Variants in INPP5A observed in about 807,000 individuals in gnomAD.
The protein encoded by INPP5A is inositol polyphosphate-5-phosphatase A, also known as 43 kDa inositol polyphosphate 5-phophatase.
A neutral mutation model predicts 65.2 loss-of-function variants in INPP5A; 14 were observed. That is an observed-to-expected ratio of 0.21 (90% CI 0.14 to 0.34). The LOEUF (loss-of-function observed/expected upper bound fraction) is 0.34, where lower values mean the gene tolerates loss of function less well. Ranked by LOEUF, INPP5A falls within the 10% of genes least tolerant of loss-of-function variation. The pLI is 1.00. For synonymous variants in INPP5A, 207 were observed against 208.3 expected, an observed-to-expected ratio of 0.99 and a Z score of 0.05; for missense variants, 431 against 545.6, an observed-to-expected ratio of 0.79 and a Z score of 2.09.
At chr10:132,622,195 GAA>G (rs202013537) in intron 2 of INPP5A, among the ~76,000 whole-genome samples, 2,304 of 152,324 alleles carry the variant, frequency 0.015, 33 homozygotes, top group South Asian at 0.039. Context: ...TCTCTGTACT[GAA>G]AAGTTTGAAA....
intron 2 of INPP5A, among the ~76,000 whole-genome samples, chr10:132,614,585 C>T (rs1029326711): frequency 2.0e-5 from 3 of 152,242 alleles, no homozygotes; most frequent in Admixed American, 6.5e-5. Context: ...GACTCACAGA[C>T]TCATCACCAG....
Position 132,706,727 on chromosome 10 carries a change from A to G in INPP5A, c.475-1586A>G, listed in dbSNP as rs1845542704. 6.6e-6 allele frequency among the ~76,000 whole-genome samples: 1 copy of G among 152,224 alleles called. No homozygotes were observed. The highest frequency in any genetic ancestry group is 6.5e-5 in the Admixed American group (1 of 15,288). On this transcript the variant is annotated intron_variant, in intron 6 of 15. Transcript: ENST00000368594. This position sits in a 1 kb window ranked among gnomAD's most constrained non-coding sequence, Gnocchi z 4.7. ...AAGGGCCTCATGCCTGGGAATCCAC[A>G]GCCCTAGAGCCTTGCCCAGGAGGGA...
At chr10:132,595,428 C>G (rs777245609) in intron 1 of INPP5A, among the ~76,000 whole-genome samples, 1 of 152,210 alleles carries the variant, frequency 6.6e-6, no homozygotes, top group Non-Finnish European at 1.5e-5. Context: ...GTTATTTTAA[C>G]CACTGGTAAC....
intron 2 of INPP5A, among the ~76,000 whole-genome samples, chr10:132,633,887 C>T (rs1248633800): frequency 2.0e-5 from 3 of 152,230 alleles, no homozygotes; most frequent in South Asian, 2.1e-4. Flanking sequence ...GAATCCTTTC[C>T]GTGCCCAGCA....
At chr10:132,623,399 T>G (rs554715186) in intron 2 of INPP5A, among the ~76,000 whole-genome samples, 28 of 149,496 alleles carry the variant, frequency 1.9e-4, no homozygotes, top group Admixed American at 4.6e-4. Context: ...AGGAACAGTT[T>G]TTTTTTTTTT....
At chr10:132,624,136 CT>C (rs1318188957) in intron 2 of INPP5A, among the ~76,000 whole-genome samples, 2 of 152,218 alleles carry the variant, frequency 1.3e-5, no homozygotes, top group African/African-American at 2.4e-5. Context: ...TGGCCACCCC[CT>C]GACCCACGCA....
At position 132,537,961 on chromosome 10, in the gene INPP5A, G is replaced by A. The variant is rs2070860068; in HGVS notation, c.-136G>A. The A allele has an allele frequency of 5.3e-6, 1 of 187,222 alleles. No individual in the cohort carries two copies. Among genetic ancestry groups the A allele is most frequent in the Non-Finnish European group, 9.7e-6 (1 of 102,892 alleles). The allele number at this position is 187,222 out of a possible 1,614,324, so 11.6% of individuals were successfully genotyped here. A position where few individuals can be genotyped will look rare whatever the true frequency, so the allele number is the denominator to read the frequency against. On this transcript the variant is annotated 5_prime_UTR_variant, in exon 1 of 16. Coordinates refer to ENST00000368594, the MANE Select transcript of INPP5A (RefSeq NM_005539.5). ...CGGCCAGGCCCGGCCGACCCGCCGAGCCCGCGATGCGCCCCGGGGCCGCCC... is the reference window on the plus strand; with the variant it reads ...CGGCCAGGCCCGGCCGACCCGCCGAACCCGCGATGCGCCCCGGGGCCGCCC...
At chr10:132,567,821 CTGAATTATAT>C (rs1425928944) in intron 1 of INPP5A, among the ~76,000 whole-genome samples, 3 of 152,114 alleles carry the variant, frequency 2.0e-5, no homozygotes, top group African/African-American at 7.2e-5. Context: ...GTGAATTATA[CTGAATTATAT>C]GCTTTCCTTT....
intron 4 of INPP5A, among the ~76,000 whole-genome samples, chr10:132,687,085 C>T (rs1432197273): frequency 6.6e-6 from 1 of 152,236 alleles, no homozygotes; most frequent in East Asian, 1.9e-4. Flanking sequence ...GCTGGGATTA[C>T]AGGCTCATGC....
intron 2 of INPP5A, among the ~76,000 whole-genome samples, chr10:132,633,327 A>AT (rs942030276): frequency 4.6e-5 from 7 of 151,534 alleles, no homozygotes; most frequent in East Asian, 1.9e-4. Context: ...CAGAGGAAAT[A>AT]TTTTTTTTTC....
At chr10:132,561,722 CCA>C (rs35335535) in intron 1 of INPP5A, among the ~76,000 whole-genome samples, 8,050 of 142,128 alleles carry the variant, frequency 0.057, 227 homozygotes, top group East Asian at 0.082. Flanking sequence ...TTGTCAATTT[CCA>C]CACACACACA....
chr10:132,680,039 T>C (rs374545627), intron 4 of INPP5A, among the ~76,000 whole-genome samples: 2 of 152,224 alleles, frequency 1.3e-5, no homozygotes, highest in African/African-American at 4.8e-5. Context: ...AACATTGGAT[T>C]TGGCGATGAT....
chr10:132,596,849 GTGTGTGTGCA>G (rs796203592), intron 1 of INPP5A, among the ~76,000 whole-genome samples: 1,928 of 137,370 alleles, frequency 0.014, 31 homozygotes, highest in African/African-American at 0.039. Context: ...GTGTGCATGC[GTGTGTGTGCA>G]TGTGTGTGCA....
At position 132,575,731 on chromosome 10, in the gene INPP5A, G is replaced by A. The variant is rs2071405254; in HGVS notation, c.76-32184G>A. On this transcript the variant is annotated intron_variant, in intron 1 of 15. Coordinates refer to ENST00000368594, the MANE Select transcript of INPP5A (RefSeq NM_005539.5). The surrounding 1 kb of genome is among the most constrained non-coding windows in gnomAD (Gnocchi z 5.4). ...CTGGCCCTCAGGACAGCCTTTCCCCGGTTCCCTGTGTCCCTCTGGCCGTGG... is the reference window on the plus strand; with the variant it reads ...CTGGCCCTCAGGACAGCCTTTCCCCAGTTCCCTGTGTCCCTCTGGCCGTGG... Among the ~76,000 whole-genome samples the A allele has an allele frequency of 2.0e-5, 3 of 152,164 alleles. No individual in the cohort carries two copies. Among genetic ancestry groups the A allele is most frequent in the African/African-American group, 4.8e-5 (2 of 41,434 alleles).
In INPP5A at chr10:132,555,451, G is replaced by T. The variant is rs781739762; in HGVS notation, c.75+17280G>T. On this transcript the variant is annotated intron_variant, in intron 1 of 15. Transcript: ENST00000368594. This position sits in a 1 kb window ranked among gnomAD's most constrained non-coding sequence, Gnocchi z 4.4. Reference sequence around the variant, plus strand: ...GGGGAAGAAGGGGGGCTTGGGCTGGGGCGTGGCCACGCTGGGAGGATGAGG... The same window carrying T: ...GGGGAAGAAGGGGGGCTTGGGCTGGTGCGTGGCCACGCTGGGAGGATGAGG... Among the ~76,000 whole-genome samples, 182 of 152,154 alleles carry T rather than the reference G, an allele frequency of 1.2e-3. No homozygotes were observed. Among genetic ancestry groups the T allele is most frequent in the African/African-American group, 3.0e-3 (124 of 41,500 alleles).
chr10:132,661,814 A>G (rs2072740503), intron 4 of INPP5A, among the ~76,000 whole-genome samples: 1 of 152,242 alleles, frequency 6.6e-6, no homozygotes, highest in East Asian at 1.9e-4. Flanking sequence ...TCAGTATAGT[A>G]TTGGCATAAA....
At position 132,670,833 on chromosome 10, in the gene INPP5A, G is replaced by A. The variant is rs1253177720; in HGVS notation, c.307-19559G>A. On this transcript the variant is annotated intron_variant, in intron 4 of 15. Coordinates refer to ENST00000368594, the MANE Select transcript of INPP5A (RefSeq NM_005539.5). ...CTATAGAAACTGATTTCTTGGCAGT[G>A]TCTTTCTTTCTTTTTTTTTTTTTTT... is the stretch of plus-strand genomic sequence containing the variant. Among the ~76,000 whole-genome samples the A allele has an allele frequency of 6.3e-5, 9 of 142,488 alleles. No individual in the cohort carries two copies. In the East Asian group the frequency reaches 1.8e-3, roughly 29 times the overall value. The allele number at this position is 142,488 out of a possible 152,430, so 93.5% of individuals were successfully genotyped here.
At chr10:132,548,216 AG>A (rs753280156) in intron 1 of INPP5A, among the ~76,000 whole-genome samples, 67 of 149,328 alleles carry the variant, frequency 4.5e-4, no homozygotes, top group Middle Eastern at 3.4e-3. Flanking sequence ...AAATGGGTGG[AG>A]GGGTGGGGTG....
rs1411966730 is a variant in INPP5A, at chr10:132,644,571, C to T, written c.118-1297C>T. Among the ~76,000 whole-genome samples the T allele has an allele frequency of 2.0e-5, 3 of 152,244 alleles. No individual in the cohort carries two copies. Among genetic ancestry groups the T allele is most frequent in the Non-Finnish European group, 4.4e-5 (3 of 68,048 alleles). ...AGCTCCACCTGGCTCACAGTGAGTGCCGTGTCGTCGTGAGCACCTCCAGGC... is the reference window on the plus strand; with the variant it reads ...AGCTCCACCTGGCTCACAGTGAGTGTCGTGTCGTCGTGAGCACCTCCAGGC... On this transcript the variant is annotated intron_variant, in intron 2 of 15. Coordinates refer to ENST00000368594, the MANE Select transcript of INPP5A (RefSeq NM_005539.5). The surrounding 1 kb of genome is among the most constrained non-coding windows in gnomAD (Gnocchi z 6.5).
Sources: gnomAD v4.1 joint callset for allele counts (sites outside exome capture counted in the v4.1 genomes callset) on GRCh38, gnomAD v4.1.1 for gene constraint, Gnocchi (gnomAD v3.1) non-coding constraint, MANE v1.5 for transcripts, NCBI Gene and HGNC (gene_info 2026-07-23, HGNC 2026-07-21) for gene names.